Variants in RABGAP1L observed in about 807,000 individuals in gnomAD.
RABGAP1L encodes RAB GTPase activating protein 1 like.
Under a neutral mutation model 137.7 loss-of-function variants are expected in RABGAP1L, and 63 were observed. The ratio of observed to expected loss-of-function variants is 0.46; its 90% CI spans 0.37 to 0.56. RABGAP1L has a LOEUF of 0.56. RABGAP1L is among the 20% of genes least tolerant of loss of function. The probability of loss-of-function intolerance (pLI) is 0.00; values close to 1 mark genes in which losing one functional copy is unlikely to be tolerated. For missense variants in RABGAP1L, 1,095 were observed against 1,244.0 expected, an observed-to-expected ratio of 0.88 and a Z score of 1.80; for synonymous variants, 431 against 433.7, an observed-to-expected ratio of 0.99 and a Z score of 0.08.
chr1:174,712,633 C>T (rs1319644388), intron 17 of RABGAP1L, among the ~76,000 whole-genome samples: 1 of 152,200 alleles, frequency 6.6e-6, no homozygotes, highest in Non-Finnish European at 1.5e-5. Flanking sequence ...CCACCAATTC[C>T]GGACACAGTG....
At chr1:174,781,205 A>T (rs1055692869) in intron 18 of RABGAP1L, among the ~76,000 whole-genome samples, 2 of 152,102 alleles carry the variant, frequency 1.3e-5, no homozygotes, top group African/African-American at 4.8e-5. Flanking sequence ...AAATGTTCCT[A>T]TTTCTCCACA....
intron 17 of RABGAP1L, among the ~76,000 whole-genome samples, chr1:174,734,442 A>G (rs1476115001): frequency 6.6e-6 from 1 of 152,182 alleles, no homozygotes; most frequent in African/African-American, 2.4e-5. Flanking sequence ...AAAAATAAAA[A>G]GGAACTGAAA....
At chr1:174,403,752 A>C (rs1648922667) in intron 13 of RABGAP1L, among the ~76,000 whole-genome samples, 1 of 151,566 alleles carries the variant, frequency 6.6e-6, no homozygotes, top group South Asian at 2.1e-4. Flanking sequence ...TGTGTATAAT[A>C]GCTGATTATA....
intron 13 of RABGAP1L, among the ~76,000 whole-genome samples, chr1:174,601,495 G>A (rs567090112): frequency 1.0e-3 from 157 of 151,794 alleles, no homozygotes; most frequent in African/African-American, 3.5e-3. Flanking sequence ...GGGGCCTGTC[G>A]TGGGGTTGGG....
intron 11 of RABGAP1L, among the ~76,000 whole-genome samples, chr1:174,351,292 T>C (rs1319841055): frequency 6.6e-6 from 1 of 152,202 alleles, no homozygotes; most frequent in Non-Finnish European, 1.5e-5. Flanking sequence ...TAATTTCTTA[T>C]TGTTCATTAA....
chr1:174,544,403 G>T (rs1303988331), intron 13 of RABGAP1L, among the ~76,000 whole-genome samples: 1 of 152,092 alleles, frequency 6.6e-6, no homozygotes, highest in Non-Finnish European at 1.5e-5. Flanking sequence ...GCTGAAGCTT[G>T]TGCGTGCATC....
At chr1:174,988,057 C>T (rs980084549) in intron 24 of RABGAP1L, among the ~76,000 whole-genome samples, 1 of 152,216 alleles carries the variant, frequency 6.6e-6, no homozygotes, top group East Asian at 1.9e-4. Context: ...GATCTGCCTG[C>T]CTTGGACTCC....
chr1:174,857,044 A>AAAC (rs1199565062), intron 19 of RABGAP1L, among the ~76,000 whole-genome samples: 1 of 152,222 alleles, frequency 6.6e-6, no homozygotes, highest in African/African-American at 2.4e-5. Flanking sequence ...CCACCCAACC[A>AAAC]AACAACAACA....
chr1:174,299,848 C>T (rs1480359121), intron 10 of RABGAP1L, among the ~76,000 whole-genome samples: 1 of 152,154 alleles, frequency 6.6e-6, no homozygotes, highest in African/African-American at 2.4e-5. Context: ...CCAAAGTTAT[C>T]AGAAGTCTGT....
chr1:174,754,157 A>G (rs1333045381), intron 18 of RABGAP1L, among the ~76,000 whole-genome samples: 1 of 152,212 alleles, frequency 6.6e-6, no homozygotes, highest in East Asian at 1.9e-4. Flanking sequence ...TTAGCAATAC[A>G]TGGGCACTCT....
Position 174,274,761 on chromosome 1 carries a change from A to G in RABGAP1L, c.1054-1072A>G, listed in dbSNP as rs145100718. Among the ~76,000 whole-genome samples, 109 of 152,192 alleles carry G rather than the reference A, an allele frequency of 7.2e-4. 1 individual carries two copies. Among genetic ancestry groups the G allele is most frequent in the African/African-American group, 2.5e-3 (103 of 41,522 alleles). ...CATGGTCCCTGCGCTCAAGCTACACAATCTGATTAGTGAAGTATTACTAAT... is the reference window on the plus strand; with the variant it reads ...CATGGTCCCTGCGCTCAAGCTACACGATCTGATTAGTGAAGTATTACTAAT... On this transcript the variant is annotated intron_variant, in intron 8 of 25. Coordinates refer to ENST00000681986, the MANE Select transcript of RABGAP1L (RefSeq NM_001366446.1).
Position 174,448,976 on chromosome 1 carries a change from A to C in RABGAP1L, c.1710+54831A>C. 1 of 1,613,908 alleles carries C rather than the reference A, an allele frequency of 6.2e-7. No homozygotes were observed. Among genetic ancestry groups the C allele is most frequent in the Non-Finnish European group, 8.5e-7 (1 of 1,179,834 alleles). The stretch of plus-strand genomic sequence containing the variant: ...CTATATAATTTACTTTCTTCTAGAA[A>C]GCTCCCGGGTCTTGGACAATCCAAC... On this transcript the variant is annotated intron_variant, in intron 13 of 25. Transcript: ENST00000681986. The surrounding 1 kb of genome is among the most constrained non-coding windows in gnomAD (Gnocchi z 4.2).
At chr1:174,278,528 A>T in intron 9 of RABGAP1L, 85 bp from the exon 10 acceptor site, 1 of 1,071,834 alleles carries the variant, frequency 9.3e-7, no homozygotes, top group Non-Finnish European at 1.4e-6. Flanking sequence ...AAAGAACTTT[A>T]ATTCTTTCAT....
chr1:174,840,653 A>G (rs1215256808), intron 19 of RABGAP1L, among the ~76,000 whole-genome samples: 2 of 151,354 alleles, frequency 1.3e-5, no homozygotes, highest in Non-Finnish European at 2.9e-5. Context: ...AAAAACAAAA[A>G]AAAAGAAAAA....
At chr1:174,331,607 T>C (rs1681038373) in intron 11 of RABGAP1L, among the ~76,000 whole-genome samples, 2 of 152,210 alleles carry the variant, frequency 1.3e-5, no homozygotes, top group Admixed American at 6.5e-5. Context: ...GGTTAAAATG[T>C]CTATTATCAA....
chr1:174,934,535 C>T (rs908510442), intron 19 of RABGAP1L, among the ~76,000 whole-genome samples: 6 of 151,992 alleles, frequency 3.9e-5, no homozygotes, highest in Non-Finnish European at 8.8e-5. Context: ...GTGTGTAATC[C>T]CAGCACTTTG....
At position 174,841,554 on chromosome 1, in the gene RABGAP1L, CAGA is replaced by C. The variant is rs527443225; in HGVS notation, c.2340+29600_2340+29602del. On this transcript the variant is annotated intron_variant, in intron 19 of 25. Transcript: ENST00000681986. ...AAAATTATCAATAAACATAAAAAAGCAGAAGAAGGGAATAAAAGTTATAAATTA... is the reference window on the plus strand; with the variant it reads ...AAAATTATCAATAAACATAAAAAAGCAGAAGGGAATAAAAGTTATAAATTA... Among the ~76,000 whole-genome samples, 486 of 151,676 alleles carry C rather than the reference CAGA, an allele frequency of 3.2e-3. 2 individuals carry two copies. The highest frequency in any genetic ancestry group is 9.6e-3 in the South Asian group (46 of 4,794).
intron 13 of RABGAP1L, among the ~76,000 whole-genome samples, chr1:174,532,267 G>A (rs1467296013): frequency 1.3e-5 from 2 of 151,260 alleles, no homozygotes; most frequent in African/African-American, 4.9e-5. Flanking sequence ...GGAGTGCAGT[G>A]GCACAGTCTC....
At chr1:174,422,170 A>G (rs1435537173) in intron 13 of RABGAP1L, among the ~76,000 whole-genome samples, 1 of 152,180 alleles carries the variant, frequency 6.6e-6, no homozygotes, top group Non-Finnish European at 1.5e-5. Flanking sequence ...GTTTCATTAA[A>G]TGTTCTACTA....
Sources: allele counts gnomAD v4.1 joint callset (sites outside exome capture counted in the v4.1 genomes callset), GRCh38; gene constraint gnomAD v4.1.1; non-coding constraint Gnocchi (gnomAD v3.1); transcripts MANE v1.5; gene names NCBI Gene and HGNC (gene_info 2026-07-23, HGNC 2026-07-21).